R3HDM2: variants seen among roughly 807,000 people sequenced by gnomAD.
R3HDM2 encodes the protein R3H domain containing 2.
A neutral mutation model predicts 124.5 loss-of-function variants in R3HDM2; 38 were observed. The ratio of observed to expected loss-of-function variants is 0.31; its 90% CI spans 0.24 to 0.40. The LOEUF is 0.40. R3HDM2 is among the 10% of genes least tolerant of loss of function. The pLI, the probability that R3HDM2 is intolerant of heterozygous loss-of-function variation, is 1.00. For synonymous variants in R3HDM2, 391 were observed against 448.0 expected (o/e 0.87, Z 1.61); for missense variants, 869 against 1,236.9 (o/e 0.70, Z 4.46).
At chr12:57,424,763 G>A (rs1363238494) in intron 1 of R3HDM2, among the ~76,000 whole-genome samples, 1 of 151,990 alleles carries the variant, frequency 6.6e-6, no homozygotes, top group Non-Finnish European at 1.5e-5. Context: ...AGAGTATGGT[G>A]GCACAATCAT....
chr12:57,348,693 C>CAAA (rs1168127324), intron 2 of R3HDM2, among the ~76,000 whole-genome samples: 1,360 of 24,430 alleles, frequency 0.056, 46 homozygotes, highest in Non-Finnish European at 0.071. Flanking sequence ...GACTCCGTCT[C>CAAA]AAAAAAAAAA....
rs188740426 is a variant in R3HDM2 at position 57,269,090 on chromosome 12, T to C, written c.1715-8A>G. ...GCATCATGGGCTGTAAACCTAGAGA[T>C]GGGCAAGGCAGAAAATACATTAGTA... On this transcript the variant is annotated splice_region_variant and splice_polypyrimidine_tract_variant and intron_variant, in intron 16 of 23. Coordinates refer to ENST00000402412, the MANE Select transcript of R3HDM2 (RefSeq NM_001394031.1). 65 of 1,614,036 alleles carry C rather than the reference T, an allele frequency of 4.0e-5. No homozygotes were observed. The highest frequency in any genetic ancestry group is 5.2e-5 in the Non-Finnish European group (61 of 1,179,920).
chr12:57,398,896 G>A (rs1393399242), intron 1 of R3HDM2, among the ~76,000 whole-genome samples: 1 of 152,210 alleles, frequency 6.6e-6, no homozygotes, highest in African/African-American at 2.4e-5. Flanking sequence ...CCAATCTTCT[G>A]AGGCAGCAGC....
chr12:57,327,094 C>T (rs1424665029), intron 2 of R3HDM2, among the ~76,000 whole-genome samples: 1 of 152,146 alleles, frequency 6.6e-6, no homozygotes, highest in Non-Finnish European at 1.5e-5. Flanking sequence ...ATTTTCAGGC[C>T]TGCTAACATA....
intron 14 of R3HDM2, among the ~76,000 whole-genome samples, chr12:57,274,745 G>A (rs1485486457): frequency 6.6e-6 from 1 of 152,066 alleles, no homozygotes; most frequent in African/African-American, 2.4e-5. Context: ...CAAAACTTAG[G>A]AATATACCTA....
intron 1 of R3HDM2, among the ~76,000 whole-genome samples, chr12:57,410,307 T>G (rs1451915614): frequency 7.6e-6 from 1 of 132,400 alleles, no homozygotes; most frequent in Non-Finnish European, 1.5e-5. Context: ...ACCAGGGAGG[T>G]AGTATAACCT....
At chr12:57,359,207 G>A (rs1448778045) in intron 2 of R3HDM2, among the ~76,000 whole-genome samples, 10 of 152,016 alleles carry the variant, frequency 6.6e-5, no homozygotes, top group Non-Finnish European at 1.2e-4. Flanking sequence ...GTGAACCACC[G>A]CGCCCAGTCC....
chr12:57,268,102 T>G lies in R3HDM2; in HGVS notation c.2030+201A>C, dbSNP rs1592480519. On this transcript the variant is annotated intron_variant, in intron 18 of 23. Transcript: ENST00000402412. ...ATTATAAGTCTCTGAAGCAGGAATT[T>G]TTTTCTGCTGATAACCTCTTAGGCA... The G allele has an allele frequency of 2.6e-5, 11 of 429,898 alleles. No individual in the cohort carries two copies. In the East Asian group the frequency reaches 4.1e-4, roughly 16 times the overall value. 26.6% of individuals were successfully genotyped at this position (429,898 alleles called of 1,614,324 possible).
At chr12:57,288,038 CAG>C (rs1211563466) in intron 12 of R3HDM2, among the ~76,000 whole-genome samples, 2 of 137,994 alleles carry the variant, frequency 1.4e-5, no homozygotes, top group Admixed American at 7.7e-5. Context: ...TTTTTTGAGA[CAG>C]AGTCTTGCTC....
chr12:57,391,580 A>C (rs2066684669), intron 2 of R3HDM2, among the ~76,000 whole-genome samples: 1 of 152,206 alleles, frequency 6.6e-6, no homozygotes, highest in Non-Finnish European at 1.5e-5. Flanking sequence ...ACACAAATAC[A>C]AGTACATGTA....
chr12:57,416,945 A>C (rs1466645683), intron 1 of R3HDM2, among the ~76,000 whole-genome samples: 1 of 151,784 alleles, frequency 6.6e-6, no homozygotes, highest in Admixed American at 6.6e-5. Flanking sequence ...CCCCATCTCT[A>C]CTAAAAATAC....
At chr12:57,261,227 C>T (rs1436161475) in intron 19 of R3HDM2, among the ~76,000 whole-genome samples, 1 of 152,196 alleles carries the variant, frequency 6.6e-6, no homozygotes, top group Non-Finnish European at 1.5e-5. Flanking sequence ...ATTCAAATAC[C>T]TCATTGCTAC....
intron 2 of R3HDM2, among the ~76,000 whole-genome samples, chr12:57,328,484 G>A (rs1302688411): frequency 6.6e-6 from 1 of 151,964 alleles, no homozygotes; most frequent in Non-Finnish European, 1.5e-5. Flanking sequence ...ATGACTTGCT[G>A]AAGGCTCAGA....
chr12:57,424,412 T>TC (rs1350699133), intron 1 of R3HDM2, among the ~76,000 whole-genome samples: 1 of 152,100 alleles, frequency 6.6e-6, no homozygotes, highest in Non-Finnish European at 1.5e-5. Context: ...CCCACCCGCC[T>TC]CAGCCTCCCA....
At chr12:57,306,573 T>C (rs2052627715) in intron 3 of R3HDM2, among the ~76,000 whole-genome samples, 1 of 152,020 alleles carries the variant, frequency 6.6e-6, no homozygotes, top group Admixed American at 6.6e-5. Flanking sequence ...CACACCCAGC[T>C]AATTTTTTTG....
intron 3 of R3HDM2, among the ~76,000 whole-genome samples, chr12:57,309,529 C>G (rs1414463650): frequency 6.6e-6 from 1 of 152,182 alleles, no homozygotes; most frequent in East Asian, 1.9e-4. Context: ...TCCTTTTACT[C>G]ACATTTACCA....
intron 3 of R3HDM2, among the ~76,000 whole-genome samples, chr12:57,306,415 T>C (rs1593026658): frequency 2.7e-3 from 1 of 364 alleles, no homozygotes; most frequent in South Asian, 0.5. Context: ...AAGTTGGCTA[T>C]TTTTTTTTTT....
intron 1 of R3HDM2, among the ~76,000 whole-genome samples, chr12:57,420,515 TTTTC>T (rs1220931452): frequency 3.3e-5 from 5 of 150,830 alleles, no homozygotes; most frequent in African/African-American, 4.9e-5. Flanking sequence ...ACTTTACTGG[TTTTC>T]TTTTTTTTTT....
intron 2 of R3HDM2, among the ~76,000 whole-genome samples, chr12:57,375,720 T>C (rs1294166705): frequency 6.6e-6 from 1 of 150,524 alleles, no homozygotes; most frequent in Non-Finnish European, 1.5e-5. Flanking sequence ...GTCGCCAGGC[T>C]GGAGTGCAGC....
Sources: gnomAD v4.1 joint callset for allele counts (sites outside exome capture counted in the v4.1 genomes callset) on GRCh38, gnomAD v4.1.1 for gene constraint, MANE v1.5 for transcripts, NCBI Gene and HGNC (gene_info 2026-07-23, HGNC 2026-07-21) for gene names.